The following VPS13D variants were observed in gnomAD, a reference collection of about 807,000 sequenced individuals.
VPS13D encodes intermembrane lipid transfer protein VPS13D.
VPS13D carries 187 observed loss-of-function variants against 461.9 expected under a neutral mutation model. The ratio of observed to expected loss-of-function variants is 0.40; its 90% CI spans 0.36 to 0.46. The LOEUF (loss-of-function observed/expected upper bound fraction) is 0.46, where lower values mean the gene tolerates loss of function less well. Ranked by LOEUF, VPS13D falls within the 20% of genes least tolerant of loss-of-function variation. The pLI is 0.60. For missense variants in VPS13D, 4,711 were observed against 5,364.9 expected (o/e 0.88, Z 3.81); for synonymous variants, 1,951 against 1,986.3 (o/e 0.98, Z 0.47).
At chr1:12,271,210 CTTACTTATATCAA>C in intron 17 of VPS13D, 86 bp downstream of exon 17, 1 of 1,526,082 alleles carries the variant, frequency 6.6e-7, no homozygotes, top group Non-Finnish European at 9.0e-7. Context: ...TGTAGATAGG[CTTACTTATATCAA>C]TTATGCTGAC....
chr1:12,474,894 C>T (rs533921773), intron 67 of VPS13D, among the ~76,000 whole-genome samples: 23 of 152,236 alleles, frequency 1.5e-4, no homozygotes, highest in African/African-American at 5.3e-4. Context: ...ATAAGTACAA[C>T]GCACTGTAGT....
At position 12,299,243 on chromosome 1, in the gene VPS13D, T is replaced by C. The variant is rs746155334; in HGVS notation, c.6075T>C (p.Asp2025=). 18 of 1,613,488 alleles carry C rather than the reference T, an allele frequency of 1.1e-5. No homozygotes were observed. Among genetic ancestry groups the C allele is most frequent in the Non-Finnish European group, 1.5e-5 (18 of 1,179,948 alleles). ...QAQRCSRVLL[D]IEAGAPVLLI... ...AGCGCTGTTCACGGGTTCTCCTGGA[T>C]ATTGAGGCTGGTGCTCCCGTTCTCT... The change falls in exon 25 of 70, where the codon GAT becomes GAC. Residue 2025 remains aspartate, a synonymous_variant. Transcript: ENST00000620676. The surrounding 1 kb of genome is among the most constrained non-coding windows in gnomAD (Gnocchi z 4.2).
chr1:12,365,636 G>A (rs1047019387), intron 52 of VPS13D, among the ~76,000 whole-genome samples: 5 of 151,694 alleles, frequency 3.3e-5, no homozygotes, highest in African/African-American at 9.7e-5. Context: ...CCCAGGAGGC[G>A]GAGGTTGCAG....
chr1:12,499,572 G>A (rs992006622), intron 68 of VPS13D: 53 of 985,254 alleles, frequency 5.4e-5, no homozygotes, highest in East Asian at 1.1e-4. Context: ...AACTGGAATC[G>A]AAATGAAATC....
chr1:12,374,392 T>A (rs1644168861), intron 55 of VPS13D, among the ~76,000 whole-genome samples: 1 of 152,190 alleles, frequency 6.6e-6, no homozygotes, highest in South Asian at 2.1e-4. Context: ...TTGTTTTTGT[T>A]TTTTTTACTT....
chr1:12,468,333 G>T (rs1387620264), intron 67 of VPS13D, among the ~76,000 whole-genome samples: 1 of 152,162 alleles, frequency 6.6e-6, no homozygotes, highest in Non-Finnish European at 1.5e-5. Flanking sequence ...CTTATTTTTA[G>T]ATTTTCATGA....
chr1:12,455,778 G>T (rs1645317965), intron 65 of VPS13D, among the ~76,000 whole-genome samples: 1 of 152,078 alleles, frequency 6.6e-6, no homozygotes, highest in Non-Finnish European at 1.5e-5. Context: ...AATTAGCCAG[G>T]TGTGGTGGTA....
intron 54 of VPS13D, among the ~76,000 whole-genome samples, chr1:12,372,293 C>G (rs1167553527): frequency 1.3e-5 from 2 of 151,952 alleles, no homozygotes; most frequent in African/African-American, 2.4e-5. Context: ...ACTCTTGGGC[C>G]CAAATGCTAT....
intron 18 of VPS13D, among the ~76,000 whole-genome samples, chr1:12,275,390 G>C (rs1008018133): frequency 1.3e-5 from 2 of 152,148 alleles, no homozygotes; most frequent in Non-Finnish European, 2.9e-5. Flanking sequence ...ACTCCAGCCT[G>C]GGTGACAGAG....
intron 54 of VPS13D, among the ~76,000 whole-genome samples, chr1:12,372,848 A>G (rs1268637607): frequency 6.0e-5 from 9 of 150,922 alleles, no homozygotes; most frequent in Non-Finnish European, 1.3e-4. Context: ...AAAGAGGAGA[A>G]TAATCTAAAT....
At chr1:12,420,566 A>G (rs1051693388) in intron 65 of VPS13D, among the ~76,000 whole-genome samples, 7 of 152,208 alleles carry the variant, frequency 4.6e-5, no homozygotes, top group Non-Finnish European at 8.8e-5. Context: ...AATTGTAAAT[A>G]TTGTATAAAT....
chr1:12,334,863 A>G (rs1214003697), intron 38 of VPS13D, among the ~76,000 whole-genome samples: 1 of 152,248 alleles, frequency 6.6e-6, no homozygotes, highest in Non-Finnish European at 1.5e-5. Context: ...TCCGAATACT[A>G]TACTGAAACC....
In VPS13D at chr1:12,423,588, G is replaced by A. The variant is rs1056506372; in HGVS notation, c.12333+6761G>A. ...AAATACCATTTTGTTCCATTTCTTT[G>A]GTTTCTGTTTGGGACAGCAGTGTGG... On this transcript the variant is annotated intron_variant, in intron 65 of 69. Coordinates refer to ENST00000620676, the MANE Select transcript of VPS13D (RefSeq NM_015378.4). 5.9e-5 allele frequency among the ~76,000 whole-genome samples: 9 copies of A among 152,260 alleles called. No individual in the cohort carries two copies. In the East Asian group the frequency reaches 1.5e-3, roughly 26 times the overall value.
intron 65 of VPS13D, among the ~76,000 whole-genome samples, chr1:12,419,440 A>G (rs1644835088): frequency 6.6e-6 from 1 of 152,180 alleles, no homozygotes; most frequent in African/African-American, 2.4e-5. Flanking sequence ...TTATAAGAAA[A>G]GAGGTTTAAT....
At chr1:12,243,608 A>G (rs1030123450) in intron 3 of VPS13D, among the ~76,000 whole-genome samples, 5 of 152,178 alleles carry the variant, frequency 3.3e-5, no homozygotes, top group African/African-American at 9.7e-5. Context: ...CCTGGGCAAC[A>G]CTGCTTGACT....
At chr1:12,386,355 CTGTTAGTCACCT>C (rs1241076302) in intron 60 of VPS13D, 21 bp downstream of exon 60, 2 of 1,571,770 alleles carry the variant, frequency 1.3e-6, no homozygotes, top group African/African-American at 2.7e-5. Context: ...AGTTCCAAAG[CTGTTAGTCACCT>C]TGTTTTCATG....
chr1:12,405,976 A>G (rs1344576874), intron 63 of VPS13D, among the ~76,000 whole-genome samples: 1 of 152,146 alleles, frequency 6.6e-6, no homozygotes, highest in Non-Finnish European at 1.5e-5. Flanking sequence ...CAGTTACATG[A>G]TGGTTGTGTG....
chr1:12,348,826 T>G lies in VPS13D; in HGVS notation c.9073T>G (p.Ser3025Ala). Residue 3025 changes from serine to alanine, a missense_variant, in exon 45 of 70, where the codon TCT becomes GCT. By Grantham distance (99) the Ser-to-Ala change is moderately conservative (BLOSUM62 1). This residue lies in a region of VPS13D where 4,411 missense variants were observed against 4,937.8 expected (regional missense o/e 0.89). Transcript: ENST00000620676. ...TGTCTTTATCGCTCTTTCACAGTTC[T>G]CTTCACTCCCACCAGTGCGGGTGGT... is the stretch of plus-strand genomic sequence containing the variant. ...TNIIHPQVYF[S>A]SLPPVRVVFA... The G allele has an allele frequency of 6.2e-7, 1 of 1,614,134 alleles. No individual in the cohort carries two copies. The highest frequency in any genetic ancestry group is 8.5e-7 in the Non-Finnish European group (1 of 1,179,984).
chr1:12,361,371 T>TTTTATTTA (rs926728174), intron 50 of VPS13D, among the ~76,000 whole-genome samples: 31 of 142,178 alleles, frequency 2.2e-4, no homozygotes, highest in Admixed American at 8.3e-4. Flanking sequence ...TTATTTTTAT[T>TTTTATTTA]TTTATTTATT....
Sources: gnomAD v4.1 joint callset for allele counts (sites outside exome capture counted in the v4.1 genomes callset) on GRCh38, gnomAD v4.1.1 for gene constraint, gnomAD v4.1.1 regional missense constraint, Gnocchi (gnomAD v3.1) non-coding constraint, MANE v1.5 for transcripts, NCBI Gene and HGNC (gene_info 2026-07-23, HGNC 2026-07-21) for gene names.